The following TM4SF5 variants were observed in gnomAD, a reference collection of about 807,000 sequenced individuals.
TM4SF5 encodes the protein transmembrane 4 L6 family member 5.
In TM4SF5, 16 loss-of-function variants were observed where a neutral mutation model predicts 22.3. The ratio of observed to expected loss-of-function variants is 0.72; its 90% CI spans 0.49 to 1.09. TM4SF5 has a LOEUF of 1.09. Among genes scored for constraint, TM4SF5 ranks in the 50% least tolerant of loss-of-function variants. TM4SF5 has a pLI of 0.00. For synonymous variants in TM4SF5, 113 were observed against 109.6 expected (o/e 1.03, Z -0.19); for missense variants, 249 against 266.1 (o/e 0.94, Z 0.45).
At position 4,782,650 on chromosome 17, in the gene TM4SF5, G is replaced by A. The variant is rs748979750; in HGVS notation, c.395+11G>A. The A allele has an allele frequency of 2.5e-6, 4 of 1,613,982 alleles. No homozygotes were observed. In the Admixed American group the frequency reaches 6.7e-5, roughly 27 times the overall value. On this transcript the variant is annotated intron_variant, in intron 3 of 4. Transcript: ENST00000270560. ...CTTCGAAGACACCGCGTAAGGTTTA[G>A]CCTGTATTCGTGTCCTCCATTCTCT...
rs529017568 is a variant in TM4SF5, at chr17:4,777,759, A to C, written c.178-3030A>C. ...GTTAGCAGGGCGTGGTGGCGCATGC[A>C]TGTAATCCCAGCTACTCGGGAGGCT... On this transcript the variant is annotated intron_variant, in intron 1 of 4. Transcript: ENST00000270560. 2.6e-5 allele frequency among the ~76,000 whole-genome samples: 4 copies of C among 151,834 alleles called. No individual in the cohort carries two copies. The East Asian group carries it at 5.8e-4, about 22-fold the overall frequency.
chr17:4,772,166 G>A, intron 1 of TM4SF5, 67 bp downstream of exon 1: 2 of 1,573,112 alleles, frequency 1.3e-6, no homozygotes, highest in Non-Finnish European at 1.7e-6. Context: ...CTGAACAGGA[G>A]GGAGAGGGAG....
At chr17:4,774,709 C>G (rs1314414946) in intron 1 of TM4SF5, among the ~76,000 whole-genome samples, 1 of 152,086 alleles carries the variant, frequency 6.6e-6, no homozygotes, top group Non-Finnish European at 1.5e-5. Context: ...GAGTTCACGA[C>G]CAGCCTGACC....
chr17:4,776,462 C>A (rs1917207575), intron 1 of TM4SF5, among the ~76,000 whole-genome samples: 1 of 151,846 alleles, frequency 6.6e-6, no homozygotes, highest in African/African-American at 2.4e-5. Context: ...CCACCGTGCC[C>A]AGTTAATTTT....
chr17:4,783,205 C>A lies in TM4SF5; in HGVS notation c.*77C>A. The A allele has an allele frequency of 6.3e-7, 1 of 1,589,682 alleles. No individual in the cohort carries two copies. Among genetic ancestry groups the A allele is most frequent in the Non-Finnish European group, 8.6e-7 (1 of 1,160,756 alleles). ...TTGCTCGCTAGAATAAACTGCTTTG[C>A]GCTCTCTTCTCTGTCTGAGATTGTG... is the stretch of plus-strand genomic sequence containing the variant. On this transcript the variant is annotated 3_prime_UTR_variant, in exon 5 of 5. Transcript: ENST00000270560.
At position 4,771,891 on chromosome 17, in the gene TM4SF5, C is replaced by T. The variant is rs1050437936; in HGVS notation, c.-32C>T. The T allele has an allele frequency of 6.2e-7, 1 of 1,612,656 alleles. No individual in the cohort carries two copies. The highest frequency in any genetic ancestry group is 8.5e-7 in the Non-Finnish European group (1 of 1,178,938). The stretch of plus-strand genomic sequence containing the variant: ...GACCTGGGAACCACTGGCTTACTTT[C>T]ACTCACCGCCTGTCCTTCCTGACAC... On this transcript the variant is annotated 5_prime_UTR_variant, in exon 1 of 5. Coordinates refer to ENST00000270560, the MANE Select transcript of TM4SF5 (RefSeq NM_003963.3).
chr17:4,779,711 A>T (rs1878331404), intron 1 of TM4SF5, among the ~76,000 whole-genome samples: 1 of 152,174 alleles, frequency 6.6e-6, no homozygotes, highest in African/African-American at 2.4e-5. Context: ...AGTCAAAGGG[A>T]GATGAATTTG....
At chr17:4,779,364 G>C (rs1456109223) in intron 1 of TM4SF5, among the ~76,000 whole-genome samples, 1 of 152,256 alleles carries the variant, frequency 6.6e-6, no homozygotes, top group African/African-American at 2.4e-5. Flanking sequence ...AGGAGGTCAA[G>C]GCTAAAGTCA....
chr17:4,779,392 G>A (rs1244013342), intron 1 of TM4SF5, among the ~76,000 whole-genome samples: 1 of 152,082 alleles, frequency 6.6e-6, no homozygotes, highest in East Asian at 1.9e-4. Flanking sequence ...TCAAGCCACT[G>A]CATTCCAGCC....
At chr17:4,781,951 T>C (rs1917317309) in intron 2 of TM4SF5, among the ~76,000 whole-genome samples, 1 of 151,800 alleles carries the variant, frequency 6.6e-6, no homozygotes, top group Admixed American at 6.6e-5. Flanking sequence ...CTCAGGATCA[T>C]TGAGATCTGA....
chr17:4,782,832 C>G, intron 3 of TM4SF5, 22 bp from the exon 4 acceptor site: 1 of 1,603,154 alleles, frequency 6.2e-7, no homozygotes, highest in Non-Finnish European at 8.5e-7. Context: ...CCTTCTCCCA[C>G]GTGGCCTCAC....
At position 4,776,498 on chromosome 17, in the gene TM4SF5, C is replaced by T. The variant is rs368517653; in HGVS notation, c.178-4291C>T. 1.2e-4 allele frequency among the ~76,000 whole-genome samples: 19 copies of T among 152,066 alleles called. No individual in the cohort carries two copies. The East Asian group carries it at 3.5e-3, about 28-fold the overall frequency. The stretch of plus-strand genomic sequence containing the variant: ...TGTATTTTTAGTAGAGACGGGGTTT[C>T]GCGATATTGGTCAGGCTGGTTTTGA... On this transcript the variant is annotated intron_variant, in intron 1 of 4. Coordinates refer to ENST00000270560, the MANE Select transcript of TM4SF5 (RefSeq NM_003963.3).
At position 4,782,562 on chromosome 17, in the gene TM4SF5, G is replaced by A. The variant is rs747622951; in HGVS notation, c.318G>A (p.Ser106=). Reference sequence around the variant, plus strand: ...TGCTTGGTGCCATCTACTGCCTCTCGGTGTCTGGAGCTGGGCTCCGAAATG... The same window carrying A: ...TGCTTGGTGCCATCTACTGCCTCTCAGTGTCTGGAGCTGGGCTCCGAAATG... ...FGVLGAIYCL[S]VSGAGLRNGP... is the part of the protein sequence containing the mutation. The change falls in exon 3 of 5, where the codon TCG becomes TCA. Residue 106 remains serine (S), a synonymous_variant. Coordinates refer to ENST00000270560, the MANE Select transcript of TM4SF5 (RefSeq NM_003963.3). 3.7e-6 allele frequency: 6 copies of A among 1,614,004 alleles called. No homozygotes were observed. Among genetic ancestry groups the A allele is most frequent in the African/African-American group, 2.7e-5 (2 of 74,900 alleles).
At position 4,772,096 on chromosome 17, in the gene TM4SF5, A is replaced by C; in HGVS notation, c.174A>C (p.Leu58=). 6.2e-7 allele frequency: 1 copy of C among 1,614,114 alleles called. No homozygotes were observed. Among genetic ancestry groups the C allele is most frequent in the East Asian group, 2.2e-5 (1 of 44,874 alleles). Residue 58 remains leucine, a synonymous_variant, in exon 1 of 5, where the codon CTA becomes CTC. Coordinates refer to ENST00000270560, the MANE Select transcript of TM4SF5 (RefSeq NM_003963.3). ...TGGGCGGCTTCATTGGCGGGGGCCT[A>C]ATGGTGAGAAGGCTGGCAGGGGAGC... ...WLMGGFIGGG[L]MVLCPGIAAV... is the part of the protein sequence containing the mutation.
chr17:4,779,442 GA>G (rs935618801), intron 1 of TM4SF5, among the ~76,000 whole-genome samples: 6 of 147,380 alleles, frequency 4.1e-5, no homozygotes, highest in Middle Eastern at 3.4e-3. Flanking sequence ...AAGAAAGAAA[GA>G]AAAAAAAAAG....
intron 1 of TM4SF5, among the ~76,000 whole-genome samples, chr17:4,778,447 C>G (rs186218383): frequency 6.6e-6 from 1 of 151,944 alleles, no homozygotes; most frequent in East Asian, 1.9e-4. Context: ...GACATGAACT[C>G]TCCAAAAAAA....
At chr17:4,778,570 G>A (rs1038439505) in intron 1 of TM4SF5, among the ~76,000 whole-genome samples, 3 of 152,094 alleles carry the variant, frequency 2.0e-5, no homozygotes, top group Admixed American at 2.0e-4. Context: ...TTGCACCACT[G>A]CATTCCAGCC....
At chr17:4,777,196 C>CAA (rs57674866) in intron 1 of TM4SF5, among the ~76,000 whole-genome samples, 28 of 101,328 alleles carry the variant, frequency 2.8e-4, no homozygotes, top group African/African-American at 5.7e-4. Context: ...GACTCCATCT[C>CAA]AAAAAAAAAA....
intron 1 of TM4SF5, among the ~76,000 whole-genome samples, chr17:4,780,053 CTTT>C (rs1189580424): frequency 7.8e-6 from 1 of 127,464 alleles, no homozygotes; most frequent in Non-Finnish European, 1.7e-5. Context: ...CTGAGCTGGT[CTTT>C]TTTTTTTTTT....
Sources: gnomAD v4.1 joint callset for allele counts (sites outside exome capture counted in the v4.1 genomes callset) on GRCh38, gnomAD v4.1.1 for gene constraint, MANE v1.5 for transcripts, NCBI Gene and HGNC (gene_info 2026-07-23, HGNC 2026-07-21) for gene names.